Variants in SLC34A2 observed in about 807,000 individuals in gnomAD.
The protein encoded by SLC34A2 is solute carrier family 34 member 2.
A neutral mutation model predicts 50.8 loss-of-function variants in SLC34A2; 41 were observed. That is an observed-to-expected ratio of 0.81 (90% CI 0.63 to 1.05). SLC34A2 has a LOEUF of 1.05. Ranked by LOEUF, SLC34A2 falls within the 50% of genes least tolerant of loss-of-function variation. The probability of loss-of-function intolerance (pLI) is 0.00; values close to 1 mark genes in which losing one functional copy is unlikely to be tolerated. For missense variants in SLC34A2, 879 were observed against 876.7 expected, an observed-to-expected ratio of 1.00 and a Z score of -0.03; for synonymous variants, 401 against 364.2, an observed-to-expected ratio of 1.10 and a Z score of -1.15.
At chr4:25,658,927 C>A (rs1272482397) in intron 1 of SLC34A2, among the ~76,000 whole-genome samples, 1 of 147,552 alleles carries the variant, frequency 6.8e-6, no homozygotes, top group East Asian at 2.0e-4. Flanking sequence ...CCCACCCCCA[C>A]CACCCTCCCC....
chr4:25,671,145 G>C (rs1246299752), intron 8 of SLC34A2, among the ~76,000 whole-genome samples: 1 of 152,174 alleles, frequency 6.6e-6, no homozygotes, highest in African/African-American at 2.4e-5. Flanking sequence ...TTTTTGGAGA[G>C]ACTTGTGGAA....
chr4:25,674,635 G>A lies in SLC34A2; in HGVS notation c.1458+6G>A, dbSNP rs1715015503. 1 of 1,614,138 alleles carries A rather than the reference G, an allele frequency of 6.2e-7. No homozygotes were observed. The highest frequency in any genetic ancestry group is 1.3e-5 in the African/African-American group (1 of 75,072). On this transcript the variant is annotated splice_donor_region_variant and intron_variant, in intron 12 of 12. Coordinates refer to ENST00000382051, the MANE Select transcript of SLC34A2 (RefSeq NM_006424.3). ...CATTGAGGAGTTCACTCCAGGTCAG[G>A]ACTTGGGGCACGGGGACAGGGGCCC...
chr4:25,657,219 C>T (rs1285647103), intron 1 of SLC34A2, among the ~76,000 whole-genome samples: 7 of 152,082 alleles, frequency 4.6e-5, no homozygotes, highest in Admixed American at 4.6e-4. Context: ...CTGTTAGACA[C>T]AAAGGGGACA....
chr4:25,675,639 T>C (rs1396591497), intron 12 of SLC34A2, among the ~76,000 whole-genome samples: 1 of 152,204 alleles, frequency 6.6e-6, no homozygotes, highest in Non-Finnish European at 1.5e-5. Context: ...ATGTCATCTG[T>C]CAAAAATTGA....
chr4:25,665,691 C>A (rs2109052170), intron 4 of SLC34A2, among the ~76,000 whole-genome samples: 1 of 152,280 alleles, frequency 6.6e-6, no homozygotes, highest in South Asian at 2.1e-4. Context: ...GAGATCTACT[C>A]TTGGAGGATA....
chr4:25,676,095 G>A (rs770705276), intron 12 of SLC34A2, 40 bp from the exon 13 acceptor site: 7 of 1,611,762 alleles, frequency 4.3e-6, no homozygotes, highest in Non-Finnish European at 5.9e-6. Flanking sequence ...ACCCGCATTG[G>A]GCAACAGGCC....
chr4:25,676,501 A>G lies in SLC34A2; in HGVS notation c.1825A>G (p.Lys609Glu), dbSNP rs772368155. 1 of 1,614,052 alleles carries G rather than the reference A, an allele frequency of 6.2e-7. No homozygotes were observed. The highest frequency in any genetic ancestry group is 1.1e-5 in the South Asian group (1 of 91,072). Residue 609 changes from lysine to glutamate, a missense_variant, in exon 13 of 13, where the codon AAG (lysine) becomes GAG (glutamate). Physicochemically the swap from Lys to Glu is moderately conservative, Grantham distance 56 (BLOSUM62 1). Coordinates refer to ENST00000382051, the MANE Select transcript of SLC34A2 (RefSeq NM_006424.3). ...SLKPWDAVVS[K>E]FTGCFQMRCC... ...GAAGCCCTGGGATGCCGTCGTCTCCAAGTTCACCGGCTGCTTCCAGATGCG... is the reference window on the plus strand; with the variant it reads ...GAAGCCCTGGGATGCCGTCGTCTCCGAGTTCACCGGCTGCTTCCAGATGCG...
chr4:25,678,218 G>A lies in SLC34A2; in HGVS notation c.*1469G>A, dbSNP rs1052898. On this transcript the variant is annotated 3_prime_UTR_variant, in exon 13 of 13. Transcript: ENST00000382051. ...TCCCAGCAAGTCAGGATATCAGACA[G>A]TCCTCCCCTGACCCTCCCCCTTGTA... is the stretch of plus-strand genomic sequence containing the variant. 0.12 allele frequency: 17,889 copies of A among 152,600 alleles called. 1,462 individuals are homozygous for A. Among genetic ancestry groups the A allele is most frequent in the African/African-American group, 0.22 (9,224 of 41,454 alleles). 9.5% of individuals were successfully genotyped at this position (152,600 alleles called of 1,614,324 possible).
At chr4:25,656,848 CTG>C (rs1713908281) in intron 1 of SLC34A2, among the ~76,000 whole-genome samples, 1 of 152,166 alleles carries the variant, frequency 6.6e-6, no homozygotes, top group Non-Finnish European at 1.5e-5. Flanking sequence ...CAGGGGGTTT[CTG>C]TGTTAGCCCT....
chr4:25,675,389 A>C (rs1715058105), intron 12 of SLC34A2, among the ~76,000 whole-genome samples: 1 of 152,212 alleles, frequency 6.6e-6, no homozygotes, highest in Admixed American at 6.5e-5. Context: ...CAAGTGATCT[A>C]ACCTGAGCGT....
rs1256075129 is a variant in SLC34A2, at chr4:25,677,546, G to T, written c.*797G>T. On this transcript the variant is annotated 3_prime_UTR_variant, in exon 13 of 13. Transcript: ENST00000382051. Reference sequence around the variant, plus strand: ...TGAGTAGCATAGCATTCTGCCAAAAGGGCCCCAGATTCTTAATTTAGCAAA... The same window carrying T: ...TGAGTAGCATAGCATTCTGCCAAAATGGCCCCAGATTCTTAATTTAGCAAA... 1 of 152,208 alleles carries T rather than the reference G, an allele frequency of 6.6e-6. No homozygotes were observed. Among genetic ancestry groups the T allele is most frequent in the Non-Finnish European group, 1.5e-5 (1 of 68,056 alleles). 9.4% of individuals were successfully genotyped at this position (152,208 alleles called of 1,614,324 possible). A position where few individuals can be genotyped will look rare whatever the true frequency, so the allele number is the denominator to read the frequency against.
chr4:25,676,743 C>G lies in SLC34A2; in HGVS notation c.2067C>G (p.Ala689=). The change falls in exon 13 of 13, where the codon GCC becomes GCG. Residue 689 remains alanine, a synonymous_variant. Coordinates refer to ENST00000382051, the MANE Select transcript of SLC34A2 (RefSeq NM_006424.3). Reference sequence around the variant, plus strand: ...CGGACTCAAAGACCGAATGCACGGCCTTGTAGGGGACGCCCCAGATTGTCA... The same window carrying G: ...CGGACTCAAAGACCGAATGCACGGCGTTGTAGGGGACGCCCCAGATTGTCA... The part of the protein sequence containing the change: ...PASDSKTECT[A]L The G allele has an allele frequency of 1.2e-6, 2 of 1,614,136 alleles. No homozygotes were observed. The highest frequency in any genetic ancestry group is 1.7e-6 in the Non-Finnish European group (2 of 1,180,022).
chr4:25,669,846 A>G lies in SLC34A2; in HGVS notation c.831+4A>G. On this transcript the variant is annotated splice_donor_region_variant and intron_variant, in intron 7 of 12. Transcript: ENST00000382051. ...CTTCACAAAGCTCATTGTCCAGGTAACTTAGCTCCTTCAGAGAGAGAAGGA... is the reference window on the plus strand; with the variant it reads ...CTTCACAAAGCTCATTGTCCAGGTAGCTTAGCTCCTTCAGAGAGAGAAGGA... 6.2e-7 allele frequency: 1 copy of G among 1,613,426 alleles called. No homozygotes were observed. Among genetic ancestry groups the G allele is most frequent in the Non-Finnish European group, 8.5e-7 (1 of 1,179,356 alleles).
At chr4:25,663,704 G>A (rs576077942) in intron 3 of SLC34A2, among the ~76,000 whole-genome samples, 1 of 152,302 alleles carries the variant, frequency 6.6e-6, no homozygotes, top group South Asian at 2.1e-4. Context: ...GGAGTAAACA[G>A]CACTTAAGGA....
intron 6 of SLC34A2, among the ~76,000 whole-genome samples, chr4:25,668,428 G>A (rs1357750325): frequency 6.6e-6 from 1 of 152,184 alleles, no homozygotes; most frequent in African/African-American, 2.4e-5. Flanking sequence ...CCAGGCGGGT[G>A]GATCGCCTGA....
intron 6 of SLC34A2, among the ~76,000 whole-genome samples, chr4:25,669,182 AT>A (rs1268536909): frequency 6.6e-6 from 1 of 152,154 alleles, no homozygotes; most frequent in Non-Finnish European, 1.5e-5. Flanking sequence ...AACATGTGAT[AT>A]TTTGTTACAT....
chr4:25,669,019 G>A (rs1714669647), intron 6 of SLC34A2, among the ~76,000 whole-genome samples: 1 of 151,390 alleles, frequency 6.6e-6, no homozygotes, highest in African/African-American at 2.4e-5. Flanking sequence ...CTCCTCAGAT[G>A]GATGCAAAAT....
At chr4:25,671,239 G>A (rs1013455784) in intron 8 of SLC34A2, among the ~76,000 whole-genome samples, 15 of 152,100 alleles carry the variant, frequency 9.9e-5, no homozygotes, top group African/African-American at 2.4e-4. Context: ...CCCCCTGCTC[G>A]GGCCCAGAGC....
At chr4:25,667,763 G>T in intron 5 of SLC34A2, 117 bp from the exon 6 acceptor site, 1 of 725,454 alleles carries the variant, frequency 1.4e-6, no homozygotes, top group East Asian at 2.7e-5. Context: ...AAAAGTTTAA[G>T]AATTCACTTG....
Sources: gnomAD v4.1 joint callset for allele counts (sites outside exome capture counted in the v4.1 genomes callset) on GRCh38, gnomAD v4.1.1 for gene constraint, MANE v1.5 for transcripts, NCBI Gene and HGNC (gene_info 2026-07-23, HGNC 2026-07-21) for gene names.